PIK3CD: variants seen among roughly 807,000 people sequenced by gnomAD.
PIK3CD encodes phosphatidylinositol-4,5-bisphosphate 3-kinase catalytic subunit delta.
A neutral mutation model predicts 122.9 loss-of-function variants in PIK3CD; 20 were observed. The ratio of observed to expected loss-of-function variants is 0.16; its 90% CI spans 0.11 to 0.24. PIK3CD has a LOEUF of 0.24. PIK3CD is among the 10% of genes least tolerant of loss of function. The pLI is 1.00. For missense variants in PIK3CD, 787 were observed against 1,406.3 expected (o/e 0.56, Z 7.04); for synonymous variants, 596 against 593.4 (o/e 1.00, Z -0.06).
intron 2 of PIK3CD, among the ~76,000 whole-genome samples, chr1:9,697,031 T>C (rs1646442529): frequency 7.1e-6 from 1 of 141,070 alleles, no homozygotes; most frequent in African/African-American, 2.7e-5. Context: ...GACACTGCAC[T>C]CCAGCCTAGG....
rs574267526 is a variant in PIK3CD at position 9,709,713 on chromosome 1, A to T, written c.-32-711A>T. Among the ~76,000 whole-genome samples, 5 of 152,142 alleles carry T rather than the reference A, an allele frequency of 3.3e-5. No individual in the cohort carries two copies. In the South Asian group the frequency reaches 1.0e-3, roughly 32 times the overall value. On this transcript the variant is annotated intron_variant, in intron 2 of 23. Coordinates refer to ENST00000377346, the MANE Select transcript of PIK3CD (RefSeq NM_005026.5). The stretch of plus-strand genomic sequence containing the variant: ...AGTGAGACCCTGTTTCAAAAAAAAA[A>T]ATCTATTTCACAGCTGGGTATGGTG...
chr1:9,679,500 G>A (rs569607894), intron 1 of PIK3CD, among the ~76,000 whole-genome samples: 20 of 151,798 alleles, frequency 1.3e-4, no homozygotes, highest in African/African-American at 3.9e-4. Flanking sequence ...TAGGCTGAGC[G>A]CCCCACACCC....
the PIK3CD span, among the ~76,000 whole-genome samples, chr1:9,629,966 G>C: frequency 6.6e-6 from 1 of 152,252 alleles, no homozygotes; most frequent in Non-Finnish European, 1.5e-5. Context: ...AAGGAAGCCC[G>C]GGGGTCAGAG....
intron 1 of PIK3CD, among the ~76,000 whole-genome samples, chr1:9,664,320 A>G (rs1645098165): frequency 6.6e-6 from 1 of 152,128 alleles, no homozygotes; most frequent in Non-Finnish European, 1.5e-5. Context: ...AAGTACTGGG[A>G]TTACAGGCGT....
chr1:9,685,992 G>A (rs1454783207), intron 1 of PIK3CD, among the ~76,000 whole-genome samples: 1 of 152,198 alleles, frequency 6.6e-6, no homozygotes, highest in Admixed American at 6.5e-5. Flanking sequence ...CAGCCAGGTT[G>A]GAGGCTAGGA....
rs778313894 is a variant in PIK3CD at position 9,721,782 on chromosome 1, G to A, written c.1977G>A (p.Ser659=). 41 of 1,613,098 alleles carry A rather than the reference G, an allele frequency of 2.5e-5. No individual in the cohort carries two copies. The highest frequency in any genetic ancestry group is 1.3e-4 in the Admixed American group (8 of 60,010). ...CCAGCTCCGAGATGCACGTGCCGTC[G>A]GTGGCCCTGCGCTTCGGCCTCATCC... The part of the protein sequence containing the change: ...WHLRSEMHVP[S]VALRFGLILE... Residue 659 remains serine, a synonymous_variant, in exon 16 of 24, where the codon TCG becomes TCA. Coordinates refer to ENST00000377346, the MANE Select transcript of PIK3CD (RefSeq NM_005026.5).
In PIK3CD at chr1:9,724,254, C is replaced by T. The variant is rs1192892088; in HGVS notation, c.2719-22C>T. Reference sequence around the variant, plus strand: ...CTGTCTGACACCTTCTCAATCCTCCCCCTCCTCTCCCCTCCCCTCAGCTGT... The same window carrying T: ...CTGTCTGACACCTTCTCAATCCTCCTCCTCCTCTCCCCTCCCCTCAGCTGT... On this transcript the variant is annotated intron_variant, in intron 21 of 23. Coordinates refer to ENST00000377346, the MANE Select transcript of PIK3CD (RefSeq NM_005026.5). This position sits in a 1 kb window ranked among gnomAD's most constrained non-coding sequence, Gnocchi z 7.3. 3 of 1,613,952 alleles carry T rather than the reference C, an allele frequency of 1.9e-6. No homozygotes were observed. The highest frequency in any genetic ancestry group is 4.5e-5 in the East Asian group (2 of 44,872).
chr1:9,667,676 G>A (rs1645201258), intron 1 of PIK3CD, among the ~76,000 whole-genome samples: 2 of 151,150 alleles, frequency 1.3e-5, no homozygotes, highest in Admixed American at 6.6e-5. Context: ...GTGCCCGGCC[G>A]AAATAATGTT....
intron 1 of PIK3CD, among the ~76,000 whole-genome samples, 159 bp downstream of exon 1, chr1:9,651,961 C>G (rs1644685056): frequency 6.6e-6 from 1 of 151,936 alleles, no homozygotes. Flanking sequence ...CTCCCCGAGT[C>G]TAGCGAGCCG....
At chr1:9,714,780 G>A (rs554641224) in intron 3 of PIK3CD, among the ~76,000 whole-genome samples, 1 of 152,258 alleles carries the variant, frequency 6.6e-6, no homozygotes, top group Admixed American at 6.5e-5. Context: ...GCTGTGGGAG[G>A]GCTGGAGGCC....
the PIK3CD span, among the ~76,000 whole-genome samples, chr1:9,637,057 C>T: frequency 1.3e-5 from 2 of 152,058 alleles, no homozygotes; most frequent in Non-Finnish European, 2.9e-5. Context: ...GCCACCACGC[C>T]CGGCTAATTT....
the PIK3CD span, among the ~76,000 whole-genome samples, chr1:9,638,731 CA>C: frequency 3.4e-3 from 235 of 69,206 alleles, 1 homozygote; most frequent in African/African-American, 0.012. Context: ...GACTCCTTCT[CA>C]AAAAAAAAAA....
intron 2 of PIK3CD, 148 bp downstream of exon 2, chr1:9,691,719 G>T: frequency 2.6e-6 from 1 of 390,582 alleles, no homozygotes; most frequent in Non-Finnish European, 4.5e-6. Context: ...CAGAGGAAGA[G>T]AGTGACCCAA....
In PIK3CD at chr1:9,717,559, C is replaced by T. The variant is rs1647704704; in HGVS notation, c.953C>T (p.Ser318Phe). Reference protein sequence around the residue: ...AKKPSSVSLWSLEQPFRIELI... With the variant: ...AKKPSSVSLWFLEQPFRIELI... ...CAGCCTTCCTCTGTGTCCCTGTGGT[C>T]CCTGGAGCAGCCGTTCCGCATCGAG... The change falls in exon 8 of 24, where the codon TCC becomes TTC. Residue 318 changes from serine (S) to phenylalanine (F), a missense_variant. Coordinates refer to ENST00000377346, the MANE Select transcript of PIK3CD (RefSeq NM_005026.5). This position sits in a 1 kb window ranked among gnomAD's most constrained non-coding sequence, Gnocchi z 5.4. The T allele has an allele frequency of 2.5e-6, 4 of 1,614,062 alleles. No individual in the cohort carries two copies. The African/African-American group carries it at 4.0e-5, about 16-fold the overall frequency.
intron 3 of PIK3CD, among the ~76,000 whole-genome samples, chr1:9,712,344 G>C (rs1481881852): frequency 6.7e-6 from 1 of 149,564 alleles, no homozygotes; most frequent in Non-Finnish European, 1.5e-5. Context: ...GCAGTGGTGT[G>C]ATCTTGGCTC....
At chr1:9,655,609 C>T (rs1025398779) in intron 1 of PIK3CD, among the ~76,000 whole-genome samples, 1 of 151,996 alleles carries the variant, frequency 6.6e-6, no homozygotes, top group Non-Finnish European at 1.5e-5. Context: ...CCCCTCCCTC[C>T]CCAGAAGTCA....
chr1:9,685,013 GAGGA>G lies in PIK3CD; in HGVS notation c.-137-6448_-137-6445del, dbSNP rs559274035. Among the ~76,000 whole-genome samples, 51 of 152,024 alleles carry G rather than the reference GAGGA, an allele frequency of 3.4e-4. 2 individuals are homozygous for G. In the South Asian group the frequency reaches 9.4e-3, roughly 28 times the overall value. On this transcript the variant is annotated intron_variant, in intron 1 of 23. Transcript: ENST00000377346. ...ACTTTTAGTCTAAGCTTGGAGAATT[GAGGA>G]AGGAAAGAAGGAAGTGCCAGATGCT...
upstream of PIK3CD, among the ~76,000 whole-genome samples, chr1:9,651,473 T>G (rs1326225272): frequency 5.9e-5 from 9 of 152,164 alleles, no homozygotes; most frequent in East Asian, 1.7e-3. Context: ...GGACCTTTAT[T>G]TCGTTGTTTT....
intron 2 of PIK3CD, among the ~76,000 whole-genome samples, chr1:9,703,500 C>G (rs1454174095): frequency 6.6e-6 from 1 of 152,202 alleles, no homozygotes; most frequent in African/African-American, 2.4e-5. Context: ...CTCCCATGCG[C>G]CCTTCTAGTC....
Sources: gnomAD v4.1 joint callset for allele counts (sites outside exome capture counted in the v4.1 genomes callset) on GRCh38, gnomAD v4.1.1 for gene constraint, Gnocchi (gnomAD v3.1) non-coding constraint, MANE v1.5 for transcripts, NCBI Gene and HGNC (gene_info 2026-07-23, HGNC 2026-07-21) for gene names.